The following ELMO1 variants were observed in gnomAD, a reference collection of about 807,000 sequenced individuals.
ELMO1 encodes the protein engulfment and cell motility 1, also known as engulfment and cell motility protein 1.
ELMO1 carries 26 observed loss-of-function variants against 98.9 expected under a neutral mutation model. The observed-to-expected ratio is 0.26, with a 90% CI of 0.19 to 0.36. The LOEUF (loss-of-function observed/expected upper bound fraction) is 0.36. Ranked by LOEUF, ELMO1 falls within the 10% of genes least tolerant of loss-of-function variation. The probability of loss-of-function intolerance (pLI) is 1.00; values close to 1 mark genes in which losing one functional copy is unlikely to be tolerated. For synonymous variants in ELMO1, 346 were observed against 346.0 expected, an observed-to-expected ratio of 1.00 and a Z score of 0.00; for missense variants, 627 against 935.2, an observed-to-expected ratio of 0.67 and a Z score of 4.30.
chr7:37,013,155 T>C, intron 16 of ELMO1, 144 bp downstream of exon 16: 1 of 1,072,900 alleles, frequency 9.3e-7, no homozygotes, highest in East Asian at 2.6e-5. Flanking sequence ...ATGTTTGTCT[T>C]TCTCCATTCT....
intron 11 of ELMO1, among the ~76,000 whole-genome samples, 171 bp downstream of exon 11, chr7:37,216,474 C>G (rs1437475023): frequency 6.6e-6 from 1 of 152,098 alleles, no homozygotes; most frequent in Non-Finnish European, 1.5e-5. Context: ...GTGGGAAAGC[C>G]TTTATTTATT....
intron 13 of ELMO1, among the ~76,000 whole-genome samples, chr7:37,155,258 C>T (rs1420190721): frequency 2.0e-5 from 3 of 151,940 alleles, no homozygotes; most frequent in Non-Finnish European, 4.4e-5. Flanking sequence ...AATTAATGGG[C>T]GAAATAACCA....
At chr7:37,187,556 A>G (rs1791290384) in intron 13 of ELMO1, among the ~76,000 whole-genome samples, 1 of 152,222 alleles carries the variant, frequency 6.6e-6, no homozygotes, top group African/African-American at 2.4e-5. Context: ...CATTCTTCTA[A>G]TAACATATTA....
At chr7:36,990,445 G>A (rs892614416) in intron 16 of ELMO1, among the ~76,000 whole-genome samples, 5 of 152,118 alleles carry the variant, frequency 3.3e-5, no homozygotes, top group Non-Finnish European at 7.4e-5. Flanking sequence ...AACACATTCA[G>A]ATTTACTATG....
At chr7:37,230,614 A>G (rs1277315636) in intron 8 of ELMO1, among the ~76,000 whole-genome samples, 1 of 152,242 alleles carries the variant, frequency 6.6e-6, no homozygotes, top group Non-Finnish European at 1.5e-5. Context: ...AATGTTGGTG[A>G]AAGTAGAACA....
intron 8 of ELMO1, among the ~76,000 whole-genome samples, chr7:37,230,929 G>A (rs1794136561): frequency 6.6e-6 from 1 of 152,090 alleles, no homozygotes; most frequent in Non-Finnish European, 1.5e-5. Flanking sequence ...ATAACACATC[G>A]GGATGTCTTT....
chr7:37,394,451 G>A (rs1268582419), intron 1 of ELMO1, among the ~76,000 whole-genome samples: 1 of 152,158 alleles, frequency 6.6e-6, no homozygotes, highest in Non-Finnish European at 1.5e-5. Context: ...ATAAGAAACA[G>A]GAATCTCTGA....
intron 19 of ELMO1, among the ~76,000 whole-genome samples, chr7:36,871,722 A>C (rs867971429): frequency 6.6e-6 from 1 of 152,228 alleles, no homozygotes; most frequent in African/African-American, 2.4e-5. Context: ...AGAATACTAA[A>C]ACAATAGACA....
At chr7:37,124,190 C>G (rs1408479161) in intron 14 of ELMO1, among the ~76,000 whole-genome samples, 2 of 152,106 alleles carry the variant, frequency 1.3e-5, no homozygotes, top group Non-Finnish European at 2.9e-5. Context: ...ACTGAATGGG[C>G]AAAAACTGGA....
intron 16 of ELMO1, among the ~76,000 whole-genome samples, chr7:36,958,634 T>C (rs1011272725): frequency 6.6e-6 from 1 of 152,222 alleles, no homozygotes; most frequent in African/African-American, 2.4e-5. Flanking sequence ...ATCTTCATTT[T>C]ACAATAGAAC....
Position 36,979,482 on chromosome 7 carries a change from C to T in ELMO1, c.1437+33817G>A, listed in dbSNP as rs143254365. Among the ~76,000 whole-genome samples the T allele has an allele frequency of 3.3e-3, 506 of 152,276 alleles. 3 individuals carry two copies. The highest frequency in any genetic ancestry group is 8.9e-3 in the African/African-American group (370 of 41,546). On this transcript the variant is annotated intron_variant, in intron 16 of 21. Transcript: ENST00000310758. ...AAGGTGGTCTTTGCAAAGCTTCTTACGCCTACTTTGCCCAGATATTTGACG... is the reference window on the plus strand; with the variant it reads ...AAGGTGGTCTTTGCAAAGCTTCTTATGCCTACTTTGCCCAGATATTTGACG...
intron 16 of ELMO1, among the ~76,000 whole-genome samples, chr7:36,910,915 C>A (rs948118841): frequency 1.3e-5 from 2 of 152,086 alleles, no homozygotes; most frequent in Non-Finnish European, 2.9e-5. Flanking sequence ...TATTTTTCCC[C>A]CAAAATGAGC....
rs140833821 is a variant in ELMO1 at position 37,186,300 on chromosome 7, T to C, written c.1086+25086A>G. Among the ~76,000 whole-genome samples the C allele has an allele frequency of 4.7e-3, 716 of 152,106 alleles. 9 individuals carry two copies. The highest frequency in any genetic ancestry group is 0.017 in the African/African-American group (685 of 41,506). ...GACCCCTTCCTTATGCCATACACAATTAACTCAAAATGGATCAAAGAACTA... is the reference window on the plus strand; with the variant it reads ...GACCCCTTCCTTATGCCATACACAACTAACTCAAAATGGATCAAAGAACTA... On this transcript the variant is annotated intron_variant, in intron 13 of 21. Transcript: ENST00000310758.
intron 15 of ELMO1, among the ~76,000 whole-genome samples, chr7:37,051,867 T>C (rs1456833583): frequency 6.6e-6 from 1 of 152,210 alleles, no homozygotes; most frequent in Non-Finnish European, 1.5e-5. Flanking sequence ...TGCTGTATCC[T>C]TCTCTCTAGG....
intron 13 of ELMO1, among the ~76,000 whole-genome samples, chr7:37,195,187 G>A (rs934033828): frequency 3.9e-5 from 6 of 152,212 alleles, no homozygotes; most frequent in African/African-American, 1.4e-4. Flanking sequence ...GGGGATGAGA[G>A]TGCCAGGAGA....
intron 1 of ELMO1, among the ~76,000 whole-genome samples, chr7:37,423,494 C>G (rs187712989): frequency 6.6e-6 from 1 of 152,158 alleles, no homozygotes; most frequent in Admixed American, 6.5e-5. Flanking sequence ...GCAGGAGAAT[C>G]GCTTGAACCC....
chr7:36,874,440 A>G (rs960779101), intron 19 of ELMO1, among the ~76,000 whole-genome samples: 8 of 152,262 alleles, frequency 5.3e-5, no homozygotes, highest in African/African-American at 1.7e-4. Flanking sequence ...TGTTGAGAAT[A>G]ATTTATGTAA....
chr7:37,180,282 G>A (rs1181727472), intron 13 of ELMO1, among the ~76,000 whole-genome samples: 1 of 152,172 alleles, frequency 6.6e-6, no homozygotes, highest in Non-Finnish European at 1.5e-5. Context: ...ACTGGTTTTT[G>A]TAGGGGTAAT....
intron 1 of ELMO1, among the ~76,000 whole-genome samples, chr7:37,438,084 A>C (rs1805225863): frequency 6.6e-6 from 1 of 152,110 alleles, no homozygotes; most frequent in Non-Finnish European, 1.5e-5. Flanking sequence ...TGTCTGACTG[A>C]AACTTTCTAT....
Sources: allele counts gnomAD v4.1 joint callset (sites outside exome capture counted in the v4.1 genomes callset), GRCh38; gene constraint gnomAD v4.1.1; transcripts MANE v1.5; gene names NCBI Gene and HGNC (gene_info 2026-07-23, HGNC 2026-07-21).